The following HAUS6 variants were observed in gnomAD, a reference collection of about 807,000 sequenced individuals.
HAUS6 encodes HAUS augmin like complex subunit 6.
A neutral mutation model predicts 106.8 loss-of-function variants in HAUS6; 80 were observed. The observed-to-expected ratio is 0.75, with a 90% confidence interval of 0.63 to 0.90. The LOEUF is 0.90. HAUS6 is among the 40% of genes least tolerant of loss of function. The probability of loss-of-function intolerance (pLI) is 0.00; values close to 1 mark genes in which losing one functional copy is unlikely to be tolerated. For missense variants in HAUS6, 1,155 were observed against 1,118.1 expected, an observed-to-expected ratio of 1.03 and a Z score of -0.47; for synonymous variants, 356 against 379.1, an observed-to-expected ratio of 0.94 and a Z score of 0.71.
At chr9:19,066,794 G>A (rs1276708019) in intron 12 of HAUS6, among the ~76,000 whole-genome samples, 2 of 130,214 alleles carry the variant, frequency 1.5e-5, no homozygotes, top group Non-Finnish European at 3.1e-5. Flanking sequence ...AGAAGTTTGA[G>A]ACCAGCCTGG....
chr9:19,078,132 A>C (rs746800834), intron 10 of HAUS6, 44 bp downstream of exon 10: 11 of 1,522,190 alleles, frequency 7.2e-6, no homozygotes, highest in Middle Eastern at 2.5e-4. Flanking sequence ...AAAAAAAAAA[A>C]AGGTGGGTGG....
intron 7 of HAUS6, among the ~76,000 whole-genome samples, chr9:19,085,403 C>T (rs1588619253): frequency 6.6e-6 from 1 of 152,026 alleles, no homozygotes; most frequent in Admixed American, 6.6e-5. Flanking sequence ...AGTGACTTTG[C>T]CTTGCCTGTT....
chr9:19,083,073 C>A, intron 7 of HAUS6, 30 bp from the exon 8 acceptor site: 1 of 1,431,400 alleles, frequency 7.0e-7, no homozygotes, highest in Non-Finnish European at 9.6e-7. Context: ...ATATTAAAGT[C>A]CACACATAAT....
intron 8 of HAUS6, 84 bp downstream of exon 8, chr9:19,082,789 C>G (rs1229496568): frequency 9.5e-6 from 7 of 739,136 alleles, no homozygotes; most frequent in East Asian, 6.2e-5. Context: ...AAAACAAATT[C>G]TGAAAGCAGA....
chr9:19,085,824 C>T (rs1318796078), intron 7 of HAUS6, among the ~76,000 whole-genome samples: 1 of 152,034 alleles, frequency 6.6e-6, no homozygotes, highest in Admixed American at 6.6e-5. Context: ...GGTTATACTA[C>T]AATCAAGCAG....
intron 8 of HAUS6, among the ~76,000 whole-genome samples, 166 bp downstream of exon 8, chr9:19,082,707 C>T (rs940608581): frequency 2.0e-5 from 3 of 151,862 alleles, no homozygotes; most frequent in Non-Finnish European, 2.9e-5. Flanking sequence ...AACCACGCCA[C>T]GCCATTGCAC....
Position 19,063,115 on chromosome 9 carries a change from G to A in HAUS6, c.1522C>T (p.Pro508Ser), listed in dbSNP as rs1836667077. ...GTATTCTTTGCAACATCTGATAATG[G>A]AGAATTTTCCACTTCAAATTCTGGT... ...KIPEFEVENSPLSDVAKNTES... is the reference protein window; with the variant it reads ...KIPEFEVENSSLSDVAKNTES... Residue 508 changes from proline (P) to serine (S), a missense_variant, in exon 14 of 17, where the codon CCA becomes TCA. By Grantham distance (74) the Pro-to-Ser change is moderately conservative. Around this residue, in one of 3 missense-constraint regions of HAUS6, gnomAD observed 761 missense variants for 690.0 expected, o/e 1.10. Transcript: ENST00000380502. The A allele has an allele frequency of 6.3e-7, 1 of 1,599,538 alleles. No individual in the cohort carries two copies. The highest frequency in any genetic ancestry group is 8.6e-7 in the Non-Finnish European group (1 of 1,168,692).
rs1836443431 is a variant in HAUS6 at position 19,055,240 on chromosome 9, C to G, written c.*1103G>C. The G allele has an allele frequency of 6.6e-6, 1 of 152,140 alleles. No homozygotes were observed. The highest frequency in any genetic ancestry group is 2.1e-4 in the South Asian group (1 of 4,826). The allele number at this position is 152,140 out of a possible 1,614,324, so 9.4% of individuals were successfully genotyped here. On this transcript the variant is annotated 3_prime_UTR_variant, in exon 17 of 17. Coordinates refer to ENST00000380502, the MANE Select transcript of HAUS6 (RefSeq NM_017645.5). ...GATTTTGATGGTAGTGAGATGGGGT[C>G]TACAAAGGGTATTGTAGGTACTATC...
At chr9:19,081,669 C>A (rs1837154043) in intron 8 of HAUS6, among the ~76,000 whole-genome samples, 1 of 151,994 alleles carries the variant, frequency 6.6e-6, no homozygotes, top group Admixed American at 6.6e-5. Context: ...CAATACCTGA[C>A]CGCAAGTGAT....
intron 12 of HAUS6, 174 bp from the exon 13 acceptor site, chr9:19,063,754 G>C (rs760808541): frequency 1.3e-5 from 10 of 752,864 alleles, no homozygotes; most frequent in Non-Finnish European, 2.5e-5. Flanking sequence ...AAGTAGAGCA[G>C]TATTTCAGCC....
intron 3 of HAUS6, 146 bp from the exon 4 acceptor site, chr9:19,093,449 G>A (rs578132465): frequency 4.2e-6 from 3 of 720,216 alleles, no homozygotes; most frequent in Admixed American, 2.9e-5. Context: ...GTTGGCGTGG[G>A]GTTCCCTAGG....
At chr9:19,076,278 G>C (rs1357141666) in intron 11 of HAUS6, among the ~76,000 whole-genome samples, 2 of 151,656 alleles carry the variant, frequency 1.3e-5, no homozygotes, top group African/African-American at 4.8e-5. Context: ...ACTTGAGCCT[G>C]GGGTGGTCAA....
intron 10 of HAUS6, among the ~76,000 whole-genome samples, chr9:19,077,332 C>A (rs965266731): frequency 7.2e-5 from 11 of 152,014 alleles, no homozygotes; most frequent in African/African-American, 2.7e-4. Flanking sequence ...GTCAGGTATT[C>A]GAGACCAGCC....
Position 19,059,016 on chromosome 9 carries a change from G to A in HAUS6, c.1766-15C>T. 3 of 1,376,338 alleles carry A rather than the reference G, an allele frequency of 2.2e-6. No homozygotes were observed. Among genetic ancestry groups the A allele is most frequent in the Non-Finnish European group, 3.1e-6 (3 of 976,972 alleles). 85.3% of individuals were successfully genotyped at this position (1,376,338 alleles called of 1,614,324 possible). ...AATTTCAGTTACTAATTAAAGGGGAGAAAAACACAGTTTACTAACATTCCC... is the reference window on the plus strand; with the variant it reads ...AATTTCAGTTACTAATTAAAGGGGAAAAAAACACAGTTTACTAACATTCCC... On this transcript the variant is annotated splice_polypyrimidine_tract_variant and intron_variant, in intron 15 of 16. Transcript: ENST00000380502.
chr9:19,078,686 G>C (rs1263901453), intron 9 of HAUS6, among the ~76,000 whole-genome samples: 1 of 151,914 alleles, frequency 6.6e-6, no homozygotes, highest in Non-Finnish European at 1.5e-5. Context: ...TACTAAGGAG[G>C]CTGAGGTAGG....
At chr9:19,075,968 A>C (rs1267080125) in intron 11 of HAUS6, among the ~76,000 whole-genome samples, 2 of 151,174 alleles carry the variant, frequency 1.3e-5, no homozygotes, top group Admixed American at 1.3e-4. Flanking sequence ...CGGAAAAAAA[A>C]AAAAAAAAAA....
rs754229994 is a variant in HAUS6, at chr9:19,102,641, G to A, written c.11C>T (p.Ala4Val). Reference protein sequence around the residue: MSSASVTAFEKEHL... With the variant: MSSVSVTAFEKEHL... ...CTCCTTCTCGAAAGCGGTGACCGAG[G>A]CCGAGCTCATCCTCGCGGTAGGCAC... is the stretch of plus-strand genomic sequence containing the variant. Residue 4 changes from alanine to valine, a missense_variant, in exon 1 of 17, where the codon GCC becomes GTC. Physicochemically the swap from Ala to Val is moderately conservative, Grantham distance 64. This residue lies in a region of HAUS6 where 761 missense variants were observed against 690.0 expected (regional missense o/e 1.10). Transcript: ENST00000380502. 2.5e-6 allele frequency: 4 copies of A among 1,612,206 alleles called. No homozygotes were observed. Among genetic ancestry groups the A allele is most frequent in the African/African-American group, 2.7e-5 (2 of 74,992 alleles).
At chr9:19,066,915 G>C (rs1393646746) in intron 12 of HAUS6, among the ~76,000 whole-genome samples, 4 of 151,698 alleles carry the variant, frequency 2.6e-5, no homozygotes, top group East Asian at 1.9e-4. Context: ...GCTGAGATGG[G>C]AGGATCACTT....
At chr9:19,077,052 C>G (rs1837025188) in intron 10 of HAUS6, among the ~76,000 whole-genome samples, 1 of 152,104 alleles carries the variant, frequency 6.6e-6, no homozygotes, top group Non-Finnish European at 1.5e-5. Flanking sequence ...CCATGTTGTC[C>G]AGGCTGGTCT....
Sources: allele counts gnomAD v4.1 joint callset (sites outside exome capture counted in the v4.1 genomes callset), GRCh38; gene constraint gnomAD v4.1.1; regional missense constraint gnomAD v4.1.1; transcripts MANE v1.5; gene names NCBI Gene and HGNC (gene_info 2026-07-23, HGNC 2026-07-21).